Variants in MTX2 observed in about 807,000 individuals in gnomAD.
MTX2 encodes metaxin 2.
A neutral mutation model predicts 42.3 loss-of-function variants in MTX2; 35 were observed. The ratio of observed to expected loss-of-function variants is 0.83; its 90% CI spans 0.63 to 1.10. MTX2 has a LOEUF of 1.10. Among genes scored for constraint, MTX2 ranks in the 50% least tolerant of loss-of-function variants. The pLI, the probability that MTX2 is intolerant of heterozygous loss-of-function variation, is 0.00. For synonymous variants in MTX2, 119 were observed against 100.9 expected (o/e 1.18, Z -1.08); for missense variants, 307 against 304.1 (o/e 1.01, Z -0.07).
chr2:176,328,910 G>T lies in MTX2; in HGVS notation c.415G>T (p.Glu139Ter), dbSNP rs776781088. Residue 139 changes from glutamate (E) to a stop codon, truncating the protein, a stop_gained and splice_region_variant, in exon 7 of 10, where the codon GAG becomes TAG. Transcript: ENST00000249442. LOFTEE classifies it high-confidence loss of function. ...GTGGTGTGATGAAGCTACAGTAGGGGAGGTGAGTGGTTCTGTAACATTTAT... is the reference window on the plus strand; with the variant it reads ...GTGGTGTGATGAAGCTACAGTAGGGTAGGTGAGTGGTTCTGTAACATTTAT... ...LQWCDEATVG[E>*]ITHARYGSPY... 1 of 1,605,506 alleles carries T rather than the reference G, an allele frequency of 6.2e-7. No homozygotes were observed. Among genetic ancestry groups the T allele is most frequent in the Admixed American group, 1.7e-5 (1 of 59,682 alleles).
chr2:176,295,088 C>G (rs1683825822), intron 1 of MTX2, among the ~76,000 whole-genome samples: 1 of 152,148 alleles, frequency 6.6e-6, no homozygotes, highest in Non-Finnish European at 1.5e-5. Context: ...AGACAATTAA[C>G]ATCAACTGTA....
At chr2:176,305,386 A>G (rs1282434558) in intron 3 of MTX2, among the ~76,000 whole-genome samples, 2 of 152,010 alleles carry the variant, frequency 1.3e-5, no homozygotes, top group Non-Finnish European at 2.9e-5. Context: ...TTTCTCCCCA[A>G]CTGTTCATTG....
rs1684628394 is a variant in MTX2 at position 176,323,316 on chromosome 2, AAG to A, written c.136-74_136-73del. 2.5e-6 allele frequency: 3 copies of A among 1,216,162 alleles called. No individual in the cohort carries two copies. The South Asian group carries it at 3.8e-5, about 15-fold the overall frequency. 75.3% of individuals were successfully genotyped at this position (1,216,162 alleles called of 1,614,324 possible). On this transcript the variant is annotated intron_variant, in intron 3 of 9. Transcript: ENST00000249442. ...TAGTATGAAACTATTCAGTTTAGAA[AAG>A]AAATGCATACAAATTTCTGTTCAAA...
chr2:176,296,966 A>T, intron 2 of MTX2, 59 bp downstream of exon 2: 1 of 1,470,840 alleles, frequency 6.8e-7, no homozygotes, highest in Non-Finnish European at 9.5e-7. Flanking sequence ...TTACGGAAAA[A>T]TCCTCAGTAA....
At chr2:176,318,744 T>C (rs1457334047) in intron 3 of MTX2, among the ~76,000 whole-genome samples, 1 of 152,244 alleles carries the variant, frequency 6.6e-6, no homozygotes, top group Admixed American at 6.5e-5. Context: ...CAGCCTCTCT[T>C]GCTAAGGTCT....
At chr2:176,271,017 G>A (rs913804789) in intron 1 of MTX2, among the ~76,000 whole-genome samples, 1 of 152,078 alleles carries the variant, frequency 6.6e-6, no homozygotes, top group African/African-American at 2.4e-5. Flanking sequence ...GGTTCACTGT[G>A]TGCATGTGTC....
At chr2:176,284,814 T>C (rs1038189944) in intron 1 of MTX2, among the ~76,000 whole-genome samples, 1 of 152,228 alleles carries the variant, frequency 6.6e-6, no homozygotes, top group African/African-American at 2.4e-5. Flanking sequence ...CATAATCTTA[T>C]CTCAAGTGCC....
chr2:176,331,382 G>C (rs1433950124), intron 9 of MTX2, among the ~76,000 whole-genome samples: 1 of 150,896 alleles, frequency 6.6e-6, no homozygotes, highest in Non-Finnish European at 1.5e-5. Context: ...TCCCTAGAAA[G>C]TCTGACCTTT....
intron 1 of MTX2, among the ~76,000 whole-genome samples, chr2:176,293,943 A>G (rs193108673): frequency 8.5e-5 from 13 of 152,212 alleles, no homozygotes; most frequent in Non-Finnish European, 1.8e-4. Context: ...GCTGCTGGCT[A>G]TATGGGTTTA....
intron 3 of MTX2, among the ~76,000 whole-genome samples, chr2:176,301,147 A>G (rs1684014104): frequency 6.6e-6 from 1 of 152,158 alleles, no homozygotes; most frequent in African/African-American, 2.4e-5. Context: ...ATACTGAATA[A>G]TATATTTTAA....
chr2:176,299,125 A>G (rs961321306), intron 3 of MTX2, among the ~76,000 whole-genome samples: 7 of 152,132 alleles, frequency 4.6e-5, no homozygotes, highest in Non-Finnish European at 7.4e-5. Flanking sequence ...ACCCTGTGAC[A>G]TTTGACAATA....
intron 1 of MTX2, among the ~76,000 whole-genome samples, chr2:176,288,406 T>TTTGTG (rs1401737757): frequency 1.3e-5 from 2 of 152,032 alleles, no homozygotes; most frequent in Non-Finnish European, 2.9e-5. Context: ...TTTGTGTGTC[T>TTTGTG]TGCAGTAACT....
intron 1 of MTX2, among the ~76,000 whole-genome samples, chr2:176,291,700 G>C (rs1693331852): frequency 2.0e-5 from 3 of 152,022 alleles, no homozygotes; most frequent in African/African-American, 7.3e-5. Context: ...ACCAAGCAGG[G>C]GGCCCTTCCA....
chr2:176,334,971 G>A (rs976166747), intron 9 of MTX2, among the ~76,000 whole-genome samples: 16 of 151,856 alleles, frequency 1.1e-4, no homozygotes, highest in African/African-American at 3.9e-4. Flanking sequence ...TCTAGGTATT[G>A]GGGTTACAGC....
chr2:176,287,658 T>C (rs1219628240), intron 1 of MTX2, among the ~76,000 whole-genome samples: 1 of 152,172 alleles, frequency 6.6e-6, no homozygotes, highest in Non-Finnish European at 1.5e-5. Flanking sequence ...TCCTAAAAAC[T>C]TGTGATGATG....
intron 1 of MTX2, among the ~76,000 whole-genome samples, chr2:176,291,869 A>G (rs1300680495): frequency 6.6e-6 from 1 of 152,046 alleles, no homozygotes; most frequent in African/African-American, 2.4e-5. Flanking sequence ...CAGAAACTGG[A>G]TGAAGGCCAG....
Position 176,269,673 on chromosome 2 carries a change from G to T in MTX2, c.40+4G>T, listed in dbSNP as rs772067358. 1 of 1,594,710 alleles carries T rather than the reference G, an allele frequency of 6.3e-7. No homozygotes were observed. ...GCCTTCGTCTCCCAGATTGCAGGTA[G>T]CGCGGCTGGCCGCAGACCCAGAAGG... On this transcript the variant is annotated splice_donor_region_variant and intron_variant, in intron 1 of 9. Transcript: ENST00000249442.
chr2:176,319,307 GA>G (rs2105436119), intron 3 of MTX2, among the ~76,000 whole-genome samples: 1 of 152,306 alleles, frequency 6.6e-6, no homozygotes, highest in East Asian at 1.9e-4. Flanking sequence ...AGTCAAAGCG[GA>G]AGGTGACAGT....
chr2:176,314,617 T>G (rs551265672), intron 3 of MTX2, among the ~76,000 whole-genome samples: 10 of 152,300 alleles, frequency 6.6e-5, no homozygotes, highest in Non-Finnish European at 1.3e-4. Context: ...TTTTGTTGAT[T>G]TACACATTAA....
Sources: gnomAD v4.1 joint callset for allele counts (sites outside exome capture counted in the v4.1 genomes callset) on GRCh38, gnomAD v4.1.1 for gene constraint, MANE v1.5 for transcripts, NCBI Gene and HGNC (gene_info 2026-07-23, HGNC 2026-07-21) for gene names.